ATF2: variants seen among roughly 807,000 people sequenced by gnomAD.
The protein encoded by ATF2 is activating transcription factor 2.
A neutral mutation model predicts 60.6 loss-of-function variants in ATF2; 24 were observed. That is an observed-to-expected ratio of 0.40 (90% CI 0.29 to 0.56). ATF2 has a LOEUF of 0.56. Among genes scored for constraint, ATF2 ranks in the 20% least tolerant of loss-of-function variants. ATF2 has a pLI of 0.54. For missense variants in ATF2, 433 were observed against 607.7 expected (o/e 0.71, Z 3.02); for synonymous variants, 206 against 215.4 (o/e 0.96, Z 0.38).
At chr2:175,115,760 A>G (rs1013828544) in intron 7 of ATF2, among the ~76,000 whole-genome samples, 1 of 152,198 alleles carries the variant, frequency 6.6e-6, no homozygotes, top group Non-Finnish European at 1.5e-5. Flanking sequence ...CAAGTAAAAC[A>G]AGTAAGAAAA....
chr2:175,087,083 T>C (rs1307347589), intron 12 of ATF2, among the ~76,000 whole-genome samples: 1 of 152,160 alleles, frequency 6.6e-6, no homozygotes, highest in Admixed American at 6.5e-5. Context: ...AAAAAATGTA[T>C]ACCTCTTACT....
intron 11 of ATF2, among the ~76,000 whole-genome samples, chr2:175,094,346 A>G (rs1694755582): frequency 6.7e-6 from 1 of 150,278 alleles, no homozygotes; most frequent in Admixed American, 6.6e-5. Flanking sequence ...GTGAGTCAAG[A>G]TAACACCACT....
intron 10 of ATF2, among the ~76,000 whole-genome samples, chr2:175,103,704 A>T (rs1046406955): frequency 1.3e-5 from 2 of 151,258 alleles, no homozygotes; most frequent in Admixed American, 1.3e-4. Flanking sequence ...AAGATTCTGG[A>T]GGATACTATT....
chr2:175,131,058 T>C (rs112044767), intron 3 of ATF2, among the ~76,000 whole-genome samples: 6,133 of 152,324 alleles, frequency 0.04, 400 homozygotes, highest in African/African-American at 0.14. Context: ...GTTTAAAGCA[T>C]GTACGCAATG....
At chr2:175,142,430 G>A (rs1465866817) in intron 2 of ATF2, among the ~76,000 whole-genome samples, 1 of 152,096 alleles carries the variant, frequency 6.6e-6, no homozygotes, top group Non-Finnish European at 1.5e-5. Flanking sequence ...GCCTCCCAAA[G>A]TGCTGGGATT....
At chr2:175,078,312 G>A (rs956664973) in intron 13 of ATF2, among the ~76,000 whole-genome samples, 4 of 152,048 alleles carry the variant, frequency 2.6e-5, no homozygotes, top group Admixed American at 2.6e-4. Context: ...TGGTTGATTA[G>A]TCCCCAAGAA....
At chr2:175,102,393 C>G (rs903135784) in intron 10 of ATF2, among the ~76,000 whole-genome samples, 1 of 152,060 alleles carries the variant, frequency 6.6e-6, no homozygotes, top group African/African-American at 2.4e-5. Flanking sequence ...TTACTAAGAT[C>G]AAAAATCTCT....
chr2:175,081,953 G>C (rs540391523), intron 12 of ATF2, among the ~76,000 whole-genome samples: 1 of 152,258 alleles, frequency 6.6e-6, no homozygotes, highest in South Asian at 2.1e-4. Flanking sequence ...CACTACTCTG[G>C]AGGCTGAGGC....
chr2:175,135,996 T>C (rs62184514), intron 3 of ATF2, among the ~76,000 whole-genome samples: 5,664 of 150,378 alleles, frequency 0.038, 128 homozygotes, highest in Admixed American at 0.092. Context: ...TGCTAAAATA[T>C]ACTTTTCTTT....
intron 13 of ATF2, among the ~76,000 whole-genome samples, chr2:175,078,989 C>T (rs904399200): frequency 1.3e-5 from 2 of 152,168 alleles, no homozygotes; most frequent in South Asian, 2.1e-4. Context: ...GGATTATTTC[C>T]AAACAACAAA....
At chr2:175,134,299 T>G (rs1444261919) in intron 3 of ATF2, among the ~76,000 whole-genome samples, 1 of 152,178 alleles carries the variant, frequency 6.6e-6, no homozygotes, top group Non-Finnish European at 1.5e-5. Context: ...TACACGATTT[T>G]ATATAAGTAA....
At chr2:175,090,033 G>C (rs916443351) in intron 12 of ATF2, among the ~76,000 whole-genome samples, 3 of 152,020 alleles carry the variant, frequency 2.0e-5, no homozygotes, top group African/African-American at 7.2e-5. Flanking sequence ...ATTTACCAAG[G>C]TGAGATTCAT....
At chr2:175,118,958 T>A (rs1696767325) in intron 5 of ATF2, among the ~76,000 whole-genome samples, 1 of 151,726 alleles carries the variant, frequency 6.6e-6, no homozygotes, top group African/African-American at 2.4e-5. Context: ...TAATGCATTT[T>A]ACAAGCTAGG....
intron 12 of ATF2, among the ~76,000 whole-genome samples, chr2:175,084,743 T>C (rs762544786): frequency 6.6e-6 from 1 of 152,072 alleles, no homozygotes; most frequent in East Asian, 1.9e-4. Context: ...TGTATACATA[T>C]AGATCTCTTC....
intron 5 of ATF2, among the ~76,000 whole-genome samples, chr2:175,119,112 T>C (rs1696778326): frequency 6.6e-6 from 1 of 151,642 alleles, no homozygotes; most frequent in African/African-American, 2.4e-5. Context: ...TACATTAACA[T>C]AGGTACTCAG....
At chr2:175,091,558 G>C (rs1347856873) in intron 12 of ATF2, among the ~76,000 whole-genome samples, 3 of 152,058 alleles carry the variant, frequency 2.0e-5, no homozygotes, top group Non-Finnish European at 4.4e-5. Flanking sequence ...GAAACATTCT[G>C]GATTAAAAAT....
intron 2 of ATF2, among the ~76,000 whole-genome samples, chr2:175,144,383 T>C (rs188207130): frequency 1.3e-3 from 196 of 152,302 alleles, no homozygotes; most frequent in Non-Finnish European, 2.0e-3. Flanking sequence ...ACTTTTAGAA[T>C]TTCTAGAGTT....
intron 10 of ATF2, among the ~76,000 whole-genome samples, chr2:175,098,835 T>C (rs939178213): frequency 1.4e-4 from 21 of 150,862 alleles, no homozygotes; most frequent in Non-Finnish European, 2.2e-4. Flanking sequence ...TTCCTTTTCA[T>C]CTAGGCCTAT....
intron 10 of ATF2, among the ~76,000 whole-genome samples, chr2:175,109,805 T>C (rs1481082838): frequency 1.3e-5 from 2 of 152,216 alleles, no homozygotes; most frequent in Admixed American, 1.3e-4. Context: ...GAAGCTCTTC[T>C]GCTATCAAGT....
Sources: gnomAD v4.1 joint callset for allele counts (sites outside exome capture counted in the v4.1 genomes callset) on GRCh38, gnomAD v4.1.1 for gene constraint, MANE v1.5 for transcripts, NCBI Gene and HGNC (gene_info 2026-07-23, HGNC 2026-07-21) for gene names.